GABRR1: variants seen among roughly 807,000 people sequenced by gnomAD.
GABRR1 encodes gamma-aminobutyric acid type A receptor subunit rho1.
Under a neutral mutation model 55.5 loss-of-function variants are expected in GABRR1, and 59 were observed. The observed-to-expected ratio is 1.06, with a 90% CI of 0.86 to 1.32. The LOEUF is 1.32. Ranked by LOEUF, GABRR1 falls within the 40% of genes most tolerant of loss-of-function variation. The pLI, the probability that GABRR1 is intolerant of heterozygous loss-of-function variation, is 0.00. For synonymous variants in GABRR1, 213 were observed against 226.0 expected (o/e 0.94, Z 0.51); for missense variants, 602 against 619.1 (o/e 0.97, Z 0.29).
chr6:89,196,208 G>T (rs1471400258), intron 5 of GABRR1, among the ~76,000 whole-genome samples: 3 of 152,130 alleles, frequency 2.0e-5, no homozygotes, highest in African/African-American at 7.2e-5. Context: ...ACTTATAGTG[G>T]TTTTTCCAAG....
intron 5 of GABRR1, among the ~76,000 whole-genome samples, chr6:89,192,625 C>T (rs1217543418): frequency 1.4e-5 from 2 of 146,232 alleles, no homozygotes; most frequent in Non-Finnish European, 3.0e-5. Context: ...TGCAGTGGTG[C>T]GATCTCAACT....
upstream of GABRR1, among the ~76,000 whole-genome samples, chr6:89,222,311 T>C (rs1773126477): frequency 6.6e-6 from 1 of 152,208 alleles, no homozygotes; most frequent in South Asian, 2.1e-4. Context: ...CTCTCCAATT[T>C]TTCTTCCCAT....
intron 6 of GABRR1, among the ~76,000 whole-genome samples, chr6:89,187,630 CCCTCTCCCCAG>C (rs1161785454): frequency 6.6e-6 from 1 of 152,124 alleles, no homozygotes; most frequent in African/African-American, 2.4e-5. Context: ...TCCCTGTTTC[CCCTCTCCCCAG>C]CCTCTGGCAA....
intron 1 of GABRR1, among the ~76,000 whole-genome samples, chr6:89,206,011 G>A (rs79180084): frequency 0.015 from 2,289 of 151,184 alleles, 38 homozygotes; most frequent in East Asian, 0.044. Context: ...TAAAGGCCAC[G>A]AAAGGCCAAC....
At chr6:89,196,831 GA>G (rs1412405263) in intron 5 of GABRR1, among the ~76,000 whole-genome samples, 2 of 83,696 alleles carry the variant, frequency 2.4e-5, no homozygotes, top group African/African-American at 1.1e-4. Context: ...AGGAAAGAAA[GA>G]AAGAAAGAAA....
intron 1 of GABRR1, among the ~76,000 whole-genome samples, chr6:89,206,687 C>T (rs951639877): frequency 2.0e-5 from 3 of 151,604 alleles, no homozygotes; most frequent in Admixed American, 1.3e-4. Context: ...GCAATTATAG[C>T]TCACTGCAGC....
rs1772462775 is a variant in GABRR1, at chr6:89,201,256, C to G, written c.183G>C (p.Leu61=). The G allele has an allele frequency of 2.5e-6, 4 of 1,613,578 alleles. No homozygotes were observed. The highest frequency in any genetic ancestry group is 1.3e-5 in the African/African-American group (1 of 75,056). Residue 61 remains leucine (L), a synonymous_variant, in exon 3 of 10, where the codon CTG becomes CTC. Transcript: ENST00000454853. ...ATTTGGTGATGTCAGGACTTCGTCT[C>G]AGAATTGGGCTGCCAAGGGGGAAGA... is the stretch of plus-strand genomic sequence containing the variant. ...EDAHKQVSPI[L]RRSPDITKSP... is the part of the protein sequence containing the mutation.
At chr6:89,199,309 T>C in intron 4 of GABRR1, 53 bp downstream of exon 4, 1 of 1,538,958 alleles carries the variant, frequency 6.5e-7, no homozygotes, top group Non-Finnish European at 9.0e-7. Flanking sequence ...CTCCTGGCCC[T>C]GGACCGGCTT....
intron 1 of GABRR1, among the ~76,000 whole-genome samples, chr6:89,207,264 A>C (rs1772679725): frequency 6.6e-6 from 1 of 151,994 alleles, no homozygotes. Flanking sequence ...GCACAATCTC[A>C]GCTCACTGCA....
intron 1 of GABRR1, among the ~76,000 whole-genome samples, chr6:89,208,783 G>T (rs1772732198): frequency 6.6e-6 from 1 of 152,232 alleles, no homozygotes; most frequent in African/African-American, 2.4e-5. Flanking sequence ...GATGTGGACA[G>T]CCTACTGGTT....
intron 1 of GABRR1, among the ~76,000 whole-genome samples, chr6:89,215,011 A>G (rs1772943464): frequency 6.6e-6 from 1 of 152,214 alleles, no homozygotes; most frequent in Admixed American, 6.5e-5. Flanking sequence ...CGAACAAAAA[A>G]CAAAACAAAA....
At chr6:89,193,669 TA>T (rs1312097962) in intron 5 of GABRR1, among the ~76,000 whole-genome samples, 1 of 152,156 alleles carries the variant, frequency 6.6e-6, no homozygotes, top group Non-Finnish European at 1.5e-5. Flanking sequence ...TATTAAGCAT[TA>T]AAATTAAATG....
rs752871448 is a variant in GABRR1, at chr6:89,187,208, G to GGT, written c.656-1760_656-1759dup. On this transcript the variant is annotated intron_variant, in intron 6 of 9. Transcript: ENST00000454853. ...TCTTTCTGTGGCCTGGTTTCTGGGG[G>GGT]GTGTGTGTGTGTGTGTGTGTGTTGT... Among the ~76,000 whole-genome samples, 1,278 of 146,044 alleles carry GGT rather than the reference G, an allele frequency of 8.8e-3. 16 individuals are homozygous for GGT. Among genetic ancestry groups the GGT allele is most frequent in the African/African-American group, 0.027 (1,020 of 37,408 alleles).
intron 1 of GABRR1, among the ~76,000 whole-genome samples, chr6:89,229,588 GC>G (rs1239673743): frequency 1.5e-4 from 21 of 136,292 alleles, no homozygotes; most frequent in African/African-American, 5.0e-4. Flanking sequence ...TTGAATATTG[GC>G]CCCCACTCTC....
At chr6:89,230,995 C>T (rs1393787642) in intron 1 of GABRR1, among the ~76,000 whole-genome samples, 2 of 151,154 alleles carry the variant, frequency 1.3e-5, no homozygotes, top group Non-Finnish European at 3.0e-5. Flanking sequence ...GTCTGAAAAG[C>T]GCAATATTCG....
chr6:89,184,931 G>A (rs1771853056), intron 7 of GABRR1, among the ~76,000 whole-genome samples: 1 of 148,014 alleles, frequency 6.8e-6, no homozygotes, highest in Non-Finnish European at 1.5e-5. Flanking sequence ...TGTCGCCCAG[G>A]CTGGAGTGCA....
chr6:89,204,387 A>G (rs1772577250), intron 1 of GABRR1, among the ~76,000 whole-genome samples: 1 of 152,232 alleles, frequency 6.6e-6, no homozygotes, highest in South Asian at 2.1e-4. Flanking sequence ...GGGCCATCAC[A>G]GTTGATGGGC....
intron 1 of GABRR1, among the ~76,000 whole-genome samples, chr6:89,208,678 G>C (rs779404032): frequency 9.2e-5 from 14 of 152,250 alleles, no homozygotes; most frequent in Admixed American, 2.6e-4. Flanking sequence ...GCCAGCTTCT[G>C]CCAGAACTTC....
intron 5 of GABRR1, among the ~76,000 whole-genome samples, chr6:89,190,750 C>A (rs528244525): frequency 6.6e-5 from 10 of 152,236 alleles, no homozygotes; most frequent in African/African-American, 2.4e-4. Context: ...ATAATAGTAT[C>A]TACTAGTGGG....
Sources: allele counts gnomAD v4.1 joint callset (sites outside exome capture counted in the v4.1 genomes callset), GRCh38; gene constraint gnomAD v4.1.1; transcripts MANE v1.5; gene names NCBI Gene and HGNC (gene_info 2026-07-23, HGNC 2026-07-21).